GDAP2: variants seen among roughly 807,000 people sequenced by gnomAD.
GDAP2 encodes ganglioside-induced differentiation-associated protein 2.
In GDAP2, 51 loss-of-function variants were observed where a neutral mutation model predicts 67.0. The observed-to-expected ratio is 0.76, with a 90% CI of 0.61 to 0.96. GDAP2 has a LOEUF of 0.96. Among genes scored for constraint, GDAP2 ranks in the 40% least tolerant of loss-of-function variants. GDAP2 has a pLI of 0.00. For synonymous variants in GDAP2, 203 were observed against 207.3 expected, an observed-to-expected ratio of 0.98 and a Z score of 0.18; for missense variants, 547 against 588.3, an observed-to-expected ratio of 0.93 and a Z score of 0.73.
At chr1:117,877,800 G>A (rs1035240263) in intron 13 of GDAP2, 9 of 1,257,268 alleles carry the variant, frequency 7.2e-6, no homozygotes, top group East Asian at 3.1e-5. Context: ...CCACTGAAAC[G>A]TTTATCTGGA....
At chr1:117,913,132 C>T (rs4233455) in intron 3 of GDAP2, among the ~76,000 whole-genome samples, 72,788 of 152,000 alleles carry the variant, frequency 0.48, 17,627 homozygotes, top group South Asian at 0.63. Flanking sequence ...TTGTTACAAC[C>T]CAATTTCCTA....
chr1:117,907,349 T>C (rs1292915925), intron 5 of GDAP2, among the ~76,000 whole-genome samples: 5 of 152,212 alleles, frequency 3.3e-5, no homozygotes, highest in Non-Finnish European at 5.9e-5. Flanking sequence ...CAAATGCTGA[T>C]GGCTCCCAAA....
intron 8 of GDAP2, among the ~76,000 whole-genome samples, chr1:117,890,874 T>C (rs1362946846): frequency 6.6e-6 from 1 of 152,026 alleles, no homozygotes; most frequent in African/African-American, 2.4e-5. Flanking sequence ...GATTTCAATG[T>C]CGTTGATTGA....
intron 8 of GDAP2, among the ~76,000 whole-genome samples, chr1:117,892,966 C>T (rs1174808347): frequency 1.3e-5 from 2 of 152,196 alleles, no homozygotes. Context: ...GTAATTTAAA[C>T]AATTATTCAT....
Position 117,899,111 on chromosome 1 carries a change from G to C in GDAP2, c.742C>G (p.Pro248Ala), listed in dbSNP as rs199766438. 8 of 1,612,352 alleles carry C rather than the reference G, an allele frequency of 5.0e-6. No homozygotes were observed. The East Asian group carries it at 6.7e-5, about 13-fold the overall frequency. The change falls in exon 7 of 14, where the codon CCT becomes GCT. Residue 248 changes from proline (P) to alanine (A), a missense_variant. Transcript: ENST00000369443. ...PADIGNAEGE[P>A]VVPERQIRIS... ...CTAATCTGTCGTTCAGGTACCACAG[G>C]CTCCCCTTCTGCATTTCCAATATCT... is the stretch of plus-strand genomic sequence containing the variant.
At chr1:117,906,664 GTTTTGTAATGGATCA>G in intron 5 of GDAP2, 82 bp from the exon 6 acceptor site, 1 of 734,454 alleles carries the variant, frequency 1.4e-6, no homozygotes, top group South Asian at 1.7e-5. Flanking sequence ...CAATGTTTTA[GTTTTGTAATGGATCA>G]CTTCTCACTT....
At chr1:117,871,366 G>C (rs1051082752) in intron 13 of GDAP2, among the ~76,000 whole-genome samples, 22 of 152,170 alleles carry the variant, frequency 1.4e-4, no homozygotes, top group Non-Finnish European at 2.9e-4. Flanking sequence ...ATGATAGAAG[G>C]ATCCTGGATT....
intron 6 of GDAP2, among the ~76,000 whole-genome samples, chr1:117,903,441 T>C (rs768795907): frequency 7.9e-5 from 12 of 152,186 alleles, no homozygotes; most frequent in African/African-American, 2.2e-4. Context: ...GCTGAAGCAG[T>C]TCTCTCTTAT....
chr1:117,881,977 T>C (rs1648663251), intron 11 of GDAP2, 100 bp from the exon 12 acceptor site: 2 of 657,286 alleles, frequency 3.0e-6, no homozygotes, highest in South Asian at 1.9e-5. Flanking sequence ...TATATAAATA[T>C]ATTCAGAGAA....
At chr1:117,885,527 G>A (rs1648822569) in intron 10 of GDAP2, among the ~76,000 whole-genome samples, 1 of 152,088 alleles carries the variant, frequency 6.6e-6, no homozygotes, top group Admixed American at 6.6e-5. Context: ...TAATTTATAA[G>A]GGTCACAGAA....
intron 8 of GDAP2, chr1:117,896,630 C>A: frequency 2.5e-6 from 1 of 404,918 alleles, no homozygotes. Context: ...CTGGTTTCAC[C>A]ACATATTAAC....
chr1:117,914,301 G>A (rs1649970475), intron 3 of GDAP2, among the ~76,000 whole-genome samples: 1 of 152,056 alleles, frequency 6.6e-6, no homozygotes, highest in Non-Finnish European at 1.5e-5. Context: ...CAGAGAACAG[G>A]AAATGGCACT....
Position 117,883,544 on chromosome 1 carries a change from T to C in GDAP2, c.1191A>G (p.Glu397=). The C allele has an allele frequency of 4.3e-6, 7 of 1,611,332 alleles. No individual in the cohort carries two copies. The highest frequency in any genetic ancestry group is 5.9e-6 in the Non-Finnish European group (7 of 1,177,720). The change falls in exon 11 of 14, where the codon GAA becomes GAG. Residue 397 remains glutamate (E), a synonymous_variant. Transcript: ENST00000369443. The stretch of plus-strand genomic sequence containing the variant: ...GGAAGTCGGAGTCCAGGTGATTGTA[T>C]TCGCTGGTCAGGGTGTGAAAATACA... ...VLVYFHTLTS[E]YNHLDSDFLK... is the part of the protein sequence containing the mutation.
At chr1:117,908,407 A>G (rs1360690973) in intron 5 of GDAP2, among the ~76,000 whole-genome samples, 1 of 152,202 alleles carries the variant, frequency 6.6e-6, no homozygotes, top group Non-Finnish European at 1.5e-5. Flanking sequence ...AACCTAACAG[A>G]GCAAACCTAT....
intron 6 of GDAP2, among the ~76,000 whole-genome samples, chr1:117,905,726 T>G (rs892815667): frequency 1.3e-5 from 2 of 152,154 alleles, no homozygotes; most frequent in South Asian, 4.1e-4. Context: ...CACTGGAAGA[T>G]TCTATGTATA....
intron 13 of GDAP2, among the ~76,000 whole-genome samples, chr1:117,871,936 T>A (rs1316108419): frequency 6.6e-6 from 1 of 152,132 alleles, no homozygotes; most frequent in East Asian, 1.9e-4. Flanking sequence ...TTTTGCAATC[T>A]ATCTATCTCA....
rs1478435361 is a variant in GDAP2, at chr1:117,912,051, C to T, written c.502G>A (p.Val168Ile). ...TAACCACGTTTTGCAGAATTGATGA[C>T]ACAGAAGCCAACAGAAGACATTGAC... ...EQSMSSVGFC[V>I]INSAKRGYPL... Residue 168 changes from valine to isoleucine, a missense_variant, in exon 5 of 14, where the codon GTC becomes ATC. Val to Ile is a conservative substitution (Grantham distance 29). Transcript: ENST00000369443. The T allele has an allele frequency of 1.9e-6, 3 of 1,610,748 alleles. No individual in the cohort carries two copies. The highest frequency in any genetic ancestry group is 2.2e-5 in the East Asian group (1 of 44,858).
chr1:117,891,897 T>C (rs1296516512), intron 8 of GDAP2, among the ~76,000 whole-genome samples: 2 of 152,148 alleles, frequency 1.3e-5, no homozygotes, highest in Non-Finnish European at 2.9e-5. Context: ...GATTTGTCCA[T>C]AGTGTGAACA....
In GDAP2 at chr1:117,865,014, T is replaced by C. The variant is rs1648012782; in HGVS notation, c.*5555A>G. On this transcript the variant is annotated 3_prime_UTR_variant, in exon 14 of 14. Transcript: ENST00000369443. ...AACTATGGTCTGGGGACCAGGAGAATTGATAACACCTAAGAGCTTGTTAGA... is the reference window on the plus strand; with the variant it reads ...AACTATGGTCTGGGGACCAGGAGAACTGATAACACCTAAGAGCTTGTTAGA... The C allele has an allele frequency of 1.3e-5, 2 of 152,212 alleles. No individual in the cohort carries two copies. The highest frequency in any genetic ancestry group is 1.9e-4 in the East Asian group (1 of 5,194). The allele number at this position is 152,212 out of a possible 1,614,324, so 9.4% of individuals were successfully genotyped here. A position where few individuals can be genotyped will look rare whatever the true frequency, so the allele number is the denominator to read the frequency against.
Sources: gnomAD v4.1 joint callset for allele counts (sites outside exome capture counted in the v4.1 genomes callset) on GRCh38, gnomAD v4.1.1 for gene constraint, MANE v1.5 for transcripts, NCBI Gene and HGNC (gene_info 2026-07-23, HGNC 2026-07-21) for gene names.